ZC3H4: variants seen among roughly 807,000 people sequenced by gnomAD.
ZC3H4 encodes the protein zinc finger CCCH domain-containing protein 4.
A neutral mutation model predicts 108.3 loss-of-function variants in ZC3H4; 13 were observed. The observed-to-expected ratio is 0.12, with a 90% CI of 0.08 to 0.19. The LOEUF (loss-of-function observed/expected upper bound fraction) is 0.19, where lower values mean the gene tolerates loss of function less well. Among genes scored for constraint, ZC3H4 ranks in the 10% least tolerant of loss-of-function variants. The probability of loss-of-function intolerance (pLI) is 1.00; values close to 1 mark genes in which losing one functional copy is unlikely to be tolerated. For missense variants in ZC3H4, 1,734 were observed against 1,838.8 expected, an observed-to-expected ratio of 0.94 and a Z score of 1.04; for synonymous variants, 917 against 749.6, an observed-to-expected ratio of 1.22 and a Z score of -3.65.
intron 14 of ZC3H4, 149 bp downstream of exon 14, chr19:47,068,943 C>A (rs534364012): frequency 2.0e-6 from 3 of 1,498,302 alleles, no homozygotes; most frequent in Admixed American, 4.3e-5. Flanking sequence ...ATGCAGCAGC[C>A]CCAGCCCGGC....
In ZC3H4 at chr19:47,072,328, G is replaced by C. The variant is rs751062356; in HGVS notation, c.1802+24C>G. 1.2e-6 allele frequency: 2 copies of C among 1,608,456 alleles called. No individual in the cohort carries two copies. The highest frequency in any genetic ancestry group is 1.7e-6 in the Non-Finnish European group (2 of 1,177,604). ...GGGCCCAGGACAGCGCCCACTGCCT[G>C]TCACGGGGGTCCAGGGCACTCACCT... On this transcript the variant is annotated intron_variant, in intron 12 of 14. Coordinates refer to ENST00000253048, the MANE Select transcript of ZC3H4 (RefSeq NM_015168.2). The surrounding 1 kb of genome is among the most constrained non-coding windows in gnomAD (Gnocchi z 5.6).
intron 2 of ZC3H4, 21 bp downstream of exon 2, chr19:47,112,403 C>T (rs369281199): frequency 2.4e-6 from 3 of 1,233,384 alleles, no homozygotes; most frequent in Non-Finnish European, 1.0e-6. Flanking sequence ...GACGCAGCCC[C>T]GGCCCAACCG....
rs768457666 is a variant in ZC3H4, at chr19:47,066,701, C to A, written c.3567G>T (p.Pro1189=). 6.2e-7 allele frequency: 1 copy of A among 1,609,464 alleles called. No homozygotes were observed. The highest frequency in any genetic ancestry group is 8.5e-7 in the Non-Finnish European group (1 of 1,178,820). ...KSSASKAKEP[P]FVRKSALEQP... ...GTTCCAGGGCAGACTTGCGGACGAA[C>A]GGGGGCTCCTTAGCCTTGGAGGCCG... Residue 1189 remains proline (P), a synonymous_variant, in exon 15 of 15, where the codon CCG becomes CCT. Coordinates refer to ENST00000253048, the MANE Select transcript of ZC3H4 (RefSeq NM_015168.2).
chr19:47,112,734 AGGCCGCACGGCCTAGGCCTCGGAG>A (rs2058056678), intron 1 of ZC3H4, 145 bp from the exon 2 acceptor site: 2 of 445,232 alleles, frequency 4.5e-6, no homozygotes, highest in Non-Finnish European at 7.4e-6. Context: ...ACCTCCGCGT[AGGCCGCACGGCCTAGGCCTCGGAG>A]GGCCGCTCGC....
chr19:47,069,161 G>A lies in ZC3H4; in HGVS notation c.2329C>T (p.Gln777Ter). The change falls in exon 14 of 15, where the codon CAG becomes TAG. Residue 777 changes from glutamine (Q) to a stop codon, truncating the protein, a stop_gained. Transcript: ENST00000253048. LOFTEE classifies it high-confidence loss of function. ...CTCGCTCTCTCCTCCTCCTCCTGCT[G>A]CTTCTGCTGGATCCTCAGGTACAGG... ...RALYLRIQQK[Q>*]QEEEERARRL... The A allele has an allele frequency of 6.2e-7, 1 of 1,608,562 alleles. No homozygotes were observed.
chr19:47,076,069 G>A (rs2057412317), intron 11 of ZC3H4, among the ~76,000 whole-genome samples: 2 of 152,230 alleles, frequency 1.3e-5, no homozygotes, highest in African/African-American at 4.8e-5. Context: ...AGGTGCAGAG[G>A]CATGTGGGCT....
At chr19:47,109,760 CAA>C (rs1568571609) in intron 2 of ZC3H4, among the ~76,000 whole-genome samples, 1 of 152,044 alleles carries the variant, frequency 6.6e-6, no homozygotes, top group African/African-American at 2.4e-5. Context: ...AGGAAAAAAA[CAA>C]AACGGTTCTT....
chr19:47,066,682 G>A lies in ZC3H4; in HGVS notation c.3586C>T (p.Leu1196=). 6.2e-7 allele frequency: 1 copy of A among 1,611,294 alleles called. No homozygotes were observed. The highest frequency in any genetic ancestry group is 8.5e-7 in the Non-Finnish European group (1 of 1,179,456). The change falls in exon 15 of 15, where the codon CTG becomes TTG. Residue 1196 remains leucine, a synonymous_variant. Coordinates refer to ENST00000253048, the MANE Select transcript of ZC3H4 (RefSeq NM_015168.2). The part of the protein sequence containing the change: ...KEPPFVRKSA[L]EQPETGKAGA... ...GCCTTCCCTGTCTCTGGCTGTTCCA[G>A]GGCAGACTTGCGGACGAACGGGGGC...
At chr19:47,112,245 A>T (rs2058049474) in intron 2 of ZC3H4, 179 bp downstream of exon 2, 7 of 1,158,636 alleles carry the variant, frequency 6.0e-6, no homozygotes, top group South Asian at 8.7e-5. Context: ...CGGGAGAGAA[A>T]GCAAGCGAGA....
intron 13 of ZC3H4, 83 bp downstream of exon 13, chr19:47,071,695 G>T: frequency 4.2e-6 from 6 of 1,434,028 alleles, no homozygotes; most frequent in Non-Finnish European, 5.6e-6. Flanking sequence ...CTTGGACGAA[G>T]GAAGAAAAAT....
At chr19:47,081,717 G>A in intron 10 of ZC3H4, 95 bp from the exon 11 acceptor site, 4 of 1,128,364 alleles carry the variant, frequency 3.5e-6, no homozygotes, top group Non-Finnish European at 4.0e-6. Flanking sequence ...TTGTTTTGGA[G>A]ATAAGAAATC....
chr19:47,085,288 C>A, intron 7 of ZC3H4, 30 bp downstream of exon 7: 1 of 1,575,184 alleles, frequency 6.3e-7, no homozygotes, highest in Non-Finnish European at 8.7e-7. Context: ...CCTGCCCCAC[C>A]CAGCGTGTCC....
chr19:47,077,385 T>C (rs1227963621), intron 11 of ZC3H4, among the ~76,000 whole-genome samples: 3 of 151,618 alleles, frequency 2.0e-5, no homozygotes, highest in African/African-American at 4.9e-5. Context: ...GGAGAATCAC[T>C]TGAACCCAGG....
At chr19:47,102,032 T>C (rs916562388) in intron 2 of ZC3H4, among the ~76,000 whole-genome samples, 1 of 151,796 alleles carries the variant, frequency 6.6e-6, no homozygotes, top group African/African-American at 2.4e-5. Flanking sequence ...AGACTTCGTC[T>C]CAAAAAAAAA....
chr19:47,074,232 C>T (rs1034210130), intron 11 of ZC3H4, among the ~76,000 whole-genome samples: 11 of 152,298 alleles, frequency 7.2e-5, no homozygotes, highest in Non-Finnish European at 8.8e-5. Flanking sequence ...TGTCCAGTCT[C>T]CTGTATTCAC....
At chr19:47,108,600 G>A (rs1345353270) in intron 2 of ZC3H4, among the ~76,000 whole-genome samples, 1 of 152,266 alleles carries the variant, frequency 6.6e-6, no homozygotes, top group African/African-American at 2.4e-5. Context: ...GTATGGAAAC[G>A]CAAGAGTCAA....
Position 47,067,117 on chromosome 19 carries a change from T to G in ZC3H4, c.3151A>C (p.Lys1051Gln). ...PDFELLSRIL[K>Q]TVNATGSSAA... The stretch of plus-strand genomic sequence containing the variant: ...GAGGAGCCGGTGGCATTGACTGTCT[T>G]GAGGATGCGAGACAGAAGTTCAAAG... Residue 1051 changes from lysine (K) to glutamine (Q), a missense_variant, in exon 15 of 15, where the codon AAG (lysine) becomes CAG (glutamine). Lys to Gln is a moderately conservative substitution (Grantham distance 53). Around this residue, in one of 9 missense-constraint regions of ZC3H4, gnomAD observed 518 missense variants for 499.6 expected, o/e 1.04. Coordinates refer to ENST00000253048, the MANE Select transcript of ZC3H4 (RefSeq NM_015168.2). This position sits in a 1 kb window ranked among gnomAD's most constrained non-coding sequence, Gnocchi z 6.4. 1 of 1,611,884 alleles carries G rather than the reference T, an allele frequency of 6.2e-7. No individual in the cohort carries two copies. The highest frequency in any genetic ancestry group is 8.5e-7 in the Non-Finnish European group (1 of 1,178,982).
intron 4 of ZC3H4, among the ~76,000 whole-genome samples, chr19:47,093,046 C>G (rs1000651636): frequency 6.6e-5 from 10 of 151,472 alleles, no homozygotes; most frequent in Non-Finnish European, 1.0e-4. Context: ...GAAATCCTGT[C>G]TCTACTAAAA....
At chr19:47,109,836 A>C (rs532169779) in intron 2 of ZC3H4, among the ~76,000 whole-genome samples, 1 of 152,310 alleles carries the variant, frequency 6.6e-6, no homozygotes, top group South Asian at 2.1e-4. Context: ...GGAAAATGCA[A>C]CTTCAACGTG....
Sources: gnomAD v4.1 joint callset for allele counts (sites outside exome capture counted in the v4.1 genomes callset) on GRCh38, gnomAD v4.1.1 for gene constraint, gnomAD v4.1.1 regional missense constraint, Gnocchi (gnomAD v3.1) non-coding constraint, MANE v1.5 for transcripts, NCBI Gene and HGNC (gene_info 2026-07-23, HGNC 2026-07-21) for gene names.